SEMA3D: variants seen among roughly 807,000 people sequenced by gnomAD.
SEMA3D encodes the protein semaphorin 3D.
SEMA3D carries 84 observed loss-of-function variants against 100.1 expected under a neutral mutation model. The observed-to-expected ratio is 0.84, with a 90% CI of 0.70 to 1.01. The LOEUF is 1.01. Ranked by LOEUF, SEMA3D falls within the 50% of genes least tolerant of loss-of-function variation. SEMA3D has a pLI of 0.00. For missense variants in SEMA3D, 875 were observed against 934.1 expected (o/e 0.94, Z 0.82); for synonymous variants, 312 against 320.7 (o/e 0.97, Z 0.29).
chr7:85,111,410 T>C (rs1255748346), intron 3 of SEMA3D, among the ~76,000 whole-genome samples: 1 of 152,016 alleles, frequency 6.6e-6, no homozygotes, highest in Non-Finnish European at 1.5e-5. Context: ...CTTTAATTAA[T>C]GGTAGCTCCA....
At chr7:85,139,814 G>C (rs1789989860) in intron 2 of SEMA3D, among the ~76,000 whole-genome samples, 1 of 151,420 alleles carries the variant, frequency 6.6e-6, no homozygotes, top group Non-Finnish European at 1.5e-5. Context: ...TTCTTTTTGT[G>C]ACTATATTAA....
At chr7:85,180,949 A>G (rs551551095) in intron 1 of SEMA3D, among the ~76,000 whole-genome samples, 88 of 152,326 alleles carry the variant, frequency 5.8e-4, no homozygotes, top group African/African-American at 2.1e-3. Context: ...ATTACTGATC[A>G]GGTATTTTGT....
In SEMA3D at chr7:85,062,069, C is replaced by T. The variant is rs889144799; in HGVS notation, c.718+3355G>A. ...GCCATCAAAAGAGCAGATTTTGAGC[C>T]GATGAACTGTATTATACAATGGAAA... On this transcript the variant is annotated intron_variant, in intron 8 of 18. Transcript: ENST00000284136. 5.9e-5 allele frequency among the ~76,000 whole-genome samples: 9 copies of T among 152,044 alleles called. No individual in the cohort carries two copies. The South Asian group carries it at 8.3e-4, about 14-fold the overall frequency.
In SEMA3D at chr7:85,153,232, T is replaced by C. The variant is rs143153623; in HGVS notation, c.-41+376A>G. Among the ~76,000 whole-genome samples, 134 of 152,236 alleles carry C rather than the reference T, an allele frequency of 8.8e-4. 7 individuals are homozygous for C. In the East Asian group the frequency reaches 0.025, roughly 28 times the overall value. The stretch of plus-strand genomic sequence containing the variant: ...CTCTAATATAAGTGAACCCACCCAG[T>C]TTAAACTCATGTTGTTAAAGGGTCA... On this transcript the variant is annotated intron_variant, in intron 2 of 18. Transcript: ENST00000284136.
the SEMA3D span, among the ~76,000 whole-genome samples, chr7:85,228,860 G>A: frequency 6.6e-6 from 1 of 151,928 alleles, no homozygotes; most frequent in Non-Finnish European, 1.5e-5. Context: ...AATAAAACCC[G>A]TTTAATGTCT....
At chr7:85,186,532 C>T (rs1791557951) in intron 1 of SEMA3D, 146 bp downstream of exon 1, 1 of 152,364 alleles carries the variant, frequency 6.6e-6, no homozygotes, top group South Asian at 2.1e-4. Context: ...CCTTCTCTGT[C>T]TCAGGACGGT....
At chr7:85,236,416 T>C in the SEMA3D span, among the ~76,000 whole-genome samples, 1 of 151,700 alleles carries the variant, frequency 6.6e-6, no homozygotes, top group African/African-American at 2.4e-5. Flanking sequence ...CAAGCAATGC[T>C]CCTGTCTCAG....
intron 1 of SEMA3D, among the ~76,000 whole-genome samples, chr7:85,178,025 G>A (rs537390005): frequency 6.6e-6 from 1 of 152,122 alleles, no homozygotes; most frequent in African/African-American, 2.4e-5. Flanking sequence ...TATTATAAGG[G>A]GCTTTCCCCC....
chr7:85,016,666 T>C (rs1246157629), intron 15 of SEMA3D, among the ~76,000 whole-genome samples: 1 of 151,744 alleles, frequency 6.6e-6, no homozygotes, highest in African/African-American at 2.4e-5. Flanking sequence ...TCTACCCCAG[T>C]ACCCAGTCTA....
Position 85,036,981 on chromosome 7 carries a change from C to G in SEMA3D, c.1099G>C (p.Ala367Pro). ...VCVYSMADIR[A>P]VFNGPYAHKE... is the part of the protein sequence containing the mutation. ...TGAGCATATGGACCATTAAAAACTG[C>G]TCTGATGTCAGCCATGCTATACACA... Residue 367 changes from alanine (A) to proline (P), a missense_variant, in exon 12 of 19, where the codon GCA (alanine) becomes CCA (proline). Transcript: ENST00000284136. The G allele has an allele frequency of 1.2e-6, 2 of 1,613,436 alleles. No homozygotes were observed. Among genetic ancestry groups the G allele is most frequent in the Non-Finnish European group, 1.7e-6 (2 of 1,179,618 alleles).
chr7:85,184,617 G>T (rs1189778254), intron 1 of SEMA3D, among the ~76,000 whole-genome samples: 1 of 152,032 alleles, frequency 6.6e-6, no homozygotes, highest in Non-Finnish European at 1.5e-5. Flanking sequence ...TTTGATAAAT[G>T]TTTCTTCCCT....
chr7:85,168,490 A>T (rs1415679537), intron 1 of SEMA3D, among the ~76,000 whole-genome samples: 1 of 151,692 alleles, frequency 6.6e-6, no homozygotes, highest in East Asian at 1.9e-4. Flanking sequence ...AGAAGCAAAA[A>T]GTTTACTCTT....
chr7:85,155,414 G>A (rs1790562605), intron 1 of SEMA3D, among the ~76,000 whole-genome samples: 2 of 152,048 alleles, frequency 1.3e-5, no homozygotes, highest in Admixed American at 6.6e-5. Context: ...TATCATCTTA[G>A]TTTTAATCTC....
Position 85,072,880 on chromosome 7 carries a change from A to C in SEMA3D, c.495+82T>G, listed in dbSNP as rs1487619393. On this transcript the variant is annotated intron_variant, in intron 6 of 18. Coordinates refer to ENST00000284136, the MANE Select transcript of SEMA3D (RefSeq NM_001384900.1). ...ATATATGTTTCAGTCCTTATATTCA[A>C]ATCTGCCTGTTTTATGTCATAGGAA... 5 of 1,160,170 alleles carry C rather than the reference A, an allele frequency of 4.3e-6. No homozygotes were observed. In the African/African-American group the frequency reaches 6.3e-5, roughly 15 times the overall value. The allele number at this position is 1,160,170 out of a possible 1,614,324, so 71.9% of individuals were successfully genotyped here.
At chr7:85,021,042 GAA>G (rs557798651) in intron 13 of SEMA3D, among the ~76,000 whole-genome samples, 2 of 147,078 alleles carry the variant, frequency 1.4e-5, no homozygotes, top group African/African-American at 5.0e-5. Flanking sequence ...TTTAGAAAAA[GAA>G]AAAAAAAATC....
intron 3 of SEMA3D, among the ~76,000 whole-genome samples, chr7:85,119,238 C>A (rs1237958961): frequency 6.6e-6 from 1 of 152,086 alleles, no homozygotes; most frequent in Non-Finnish European, 1.5e-5. Context: ...ACAGAAATAC[C>A]ATTAGAACCT....
chr7:85,155,538 A>T (rs1052452043), intron 1 of SEMA3D, among the ~76,000 whole-genome samples: 1 of 152,204 alleles, frequency 6.6e-6, no homozygotes, highest in South Asian at 2.1e-4. Flanking sequence ...ATGCAAAAGT[A>T]CACAAATCTT....
intron 12 of SEMA3D, among the ~76,000 whole-genome samples, chr7:85,032,592 A>G (rs1460992344): frequency 2.0e-5 from 3 of 152,098 alleles, no homozygotes; most frequent in Admixed American, 6.6e-5. Flanking sequence ...TCACTATACT[A>G]ACACAAAATC....
chr7:85,108,792 A>C (rs1463475709), intron 3 of SEMA3D, among the ~76,000 whole-genome samples: 1 of 151,966 alleles, frequency 6.6e-6, no homozygotes, highest in Non-Finnish European at 1.5e-5. Flanking sequence ...AATTGGTCAA[A>C]TTTGTACATC....
Sources: allele counts gnomAD v4.1 joint callset (sites outside exome capture counted in the v4.1 genomes callset), GRCh38; gene constraint gnomAD v4.1.1; transcripts MANE v1.5; gene names NCBI Gene and HGNC (gene_info 2026-07-23, HGNC 2026-07-21).